NSMCE2: variants seen among roughly 807,000 people sequenced by gnomAD.
NSMCE2 encodes E3 SUMO-protein ligase NSE2.
In NSMCE2, 24 loss-of-function variants were observed where a neutral mutation model predicts 23.8. That is an observed-to-expected ratio of 1.01 (90% CI 0.73 to 1.42). NSMCE2 has a LOEUF of 1.42. Among genes scored for constraint, NSMCE2 ranks in the 40% most tolerant of loss-of-function variants. The pLI, the probability that NSMCE2 is intolerant of heterozygous loss-of-function variation, is 0.00. For missense variants in NSMCE2, 284 were observed against 296.5 expected (o/e 0.96, Z 0.31); for synonymous variants, 92 against 94.1 (o/e 0.98, Z 0.13).
chr8:125,237,799 T>G (rs1332681892), intron 5 of NSMCE2, among the ~76,000 whole-genome samples: 2 of 152,238 alleles, frequency 1.3e-5, no homozygotes, highest in Admixed American at 6.5e-5. Context: ...TGGCACAGAC[T>G]GCTGGATTCC....
At chr8:125,302,095 T>G (rs910708913) in intron 5 of NSMCE2, among the ~76,000 whole-genome samples, 6 of 152,152 alleles carry the variant, frequency 3.9e-5, no homozygotes, top group Non-Finnish European at 2.9e-5. Context: ...GAGCTGGGAT[T>G]ACAGGTGCGT....
At chr8:125,284,849 C>A (rs1040854453) in intron 5 of NSMCE2, among the ~76,000 whole-genome samples, 1 of 152,180 alleles carries the variant, frequency 6.6e-6, no homozygotes, top group Non-Finnish European at 1.5e-5. Flanking sequence ...CTTTTCTGAG[C>A]TTATGAAAAG....
At chr8:125,162,616 A>T (rs976332642) in intron 4 of NSMCE2, among the ~76,000 whole-genome samples, 27 of 152,112 alleles carry the variant, frequency 1.8e-4, no homozygotes, top group African/African-American at 6.3e-4. Context: ...TTTCTTGATT[A>T]AAAAAATGAG....
intron 1 of NSMCE2, among the ~76,000 whole-genome samples, chr8:125,096,859 C>A (rs1171138116): frequency 6.6e-6 from 1 of 152,002 alleles, no homozygotes; most frequent in Non-Finnish European, 1.5e-5. Context: ...GATCAACTGC[C>A]TCGGCCTCCC....
At chr8:125,194,717 T>A (rs532772143) in intron 5 of NSMCE2, among the ~76,000 whole-genome samples, 117 of 152,146 alleles carry the variant, frequency 7.7e-4, no homozygotes, top group Middle Eastern at 3.4e-3. Context: ...TATAAAATTT[T>A]AAAAAAAAGA....
intron 5 of NSMCE2, among the ~76,000 whole-genome samples, chr8:125,191,187 A>G (rs547872295): frequency 6.6e-6 from 1 of 152,184 alleles, no homozygotes; most frequent in South Asian, 2.1e-4. Flanking sequence ...GTGCATTATT[A>G]TTTCTTTCTT....
chr8:125,257,882 G>A (rs1826513706), intron 5 of NSMCE2, among the ~76,000 whole-genome samples: 1 of 152,172 alleles, frequency 6.6e-6, no homozygotes, highest in Non-Finnish European at 1.5e-5. Flanking sequence ...TAAGAAAATA[G>A]ACACCAATGG....
intron 5 of NSMCE2, among the ~76,000 whole-genome samples, chr8:125,183,318 A>G (rs1317082347): frequency 1.3e-5 from 2 of 152,160 alleles, no homozygotes; most frequent in Non-Finnish European, 2.9e-5. Flanking sequence ...AAGTTTCACA[A>G]TTTGGAATGT....
At chr8:125,249,126 A>G (rs1826105283) in intron 5 of NSMCE2, among the ~76,000 whole-genome samples, 1 of 151,944 alleles carries the variant, frequency 6.6e-6, no homozygotes, top group Non-Finnish European at 1.5e-5. Flanking sequence ...AGCCAAGATC[A>G]TGCCACTGTA....
chr8:125,113,194 T>C (rs1263909975), intron 3 of NSMCE2, among the ~76,000 whole-genome samples: 3 of 152,158 alleles, frequency 2.0e-5, no homozygotes, highest in South Asian at 2.1e-4. Context: ...GTAGACTTTA[T>C]AGTTAAGTAA....
At chr8:125,214,601 A>G (rs1177232730) in intron 5 of NSMCE2, among the ~76,000 whole-genome samples, 1 of 152,174 alleles carries the variant, frequency 6.6e-6, no homozygotes, top group Non-Finnish European at 1.5e-5. Context: ...TTTTAGGTTA[A>G]CAGAATGGAA....
intron 3 of NSMCE2, among the ~76,000 whole-genome samples, chr8:125,103,560 T>C (rs1371752472): frequency 1.3e-5 from 2 of 152,206 alleles, no homozygotes; most frequent in African/African-American, 2.4e-5. Context: ...TCTTCAAATA[T>C]ATTTTTTTAA....
intron 5 of NSMCE2, among the ~76,000 whole-genome samples, chr8:125,331,588 CT>C (rs35463931): frequency 3.1e-4 from 46 of 147,494 alleles, no homozygotes; most frequent in Admixed American, 3.4e-4. Flanking sequence ...TAAAAACGAT[CT>C]TTTTTTTTTT....
At chr8:125,313,319 A>T (rs1829052447) in intron 5 of NSMCE2, among the ~76,000 whole-genome samples, 1 of 152,220 alleles carries the variant, frequency 6.6e-6, no homozygotes. Flanking sequence ...GAGTGGTGAG[A>T]TAAGATCCAA....
chr8:125,236,886 T>C (rs575393834), intron 5 of NSMCE2, among the ~76,000 whole-genome samples: 51 of 152,276 alleles, frequency 3.3e-4, no homozygotes, highest in African/African-American at 1.2e-3. Context: ...ACGTTTATTT[T>C]TCTTGTACCT....
intron 4 of NSMCE2, among the ~76,000 whole-genome samples, chr8:125,177,926 T>G (rs779996060): frequency 5.3e-5 from 8 of 152,242 alleles, no homozygotes; most frequent in Non-Finnish European, 1.2e-4. Flanking sequence ...TGATTTGTGC[T>G]GCTTTCCTCA....
chr8:125,170,848 C>T (rs1822166398), intron 4 of NSMCE2, among the ~76,000 whole-genome samples: 1 of 152,178 alleles, frequency 6.6e-6, no homozygotes, highest in Non-Finnish European at 1.5e-5. Flanking sequence ...CCTGCTTCTG[C>T]TCCTCCTCCC....
At chr8:125,187,892 A>G (rs1823176450) in intron 5 of NSMCE2, among the ~76,000 whole-genome samples, 1 of 152,188 alleles carries the variant, frequency 6.6e-6, no homozygotes, top group South Asian at 2.1e-4. Flanking sequence ...TCTTTTAATG[A>G]AAAAAATGCT....
At chr8:125,161,546 C>G (rs901880573) in intron 4 of NSMCE2, among the ~76,000 whole-genome samples, 1 of 152,036 alleles carries the variant, frequency 6.6e-6, no homozygotes, top group Non-Finnish European at 1.5e-5. Context: ...ACCTGTAATT[C>G]CAGCACTTTG....
Sources: allele counts gnomAD v4.1 joint callset (sites outside exome capture counted in the v4.1 genomes callset), GRCh38; gene constraint gnomAD v4.1.1; transcripts MANE v1.5; gene names NCBI Gene and HGNC (gene_info 2026-07-23, HGNC 2026-07-21).